Variants in C2CD5 observed in about 807,000 individuals in gnomAD.
C2CD5 encodes the protein C2 domain-containing protein 5.
C2CD5 carries 109 observed loss-of-function variants against 130.3 expected under a neutral mutation model. The ratio of observed to expected loss-of-function variants is 0.84; its 90% CI spans 0.72 to 0.98. C2CD5 has a LOEUF of 0.98. Among genes scored for constraint, C2CD5 ranks in the 50% least tolerant of loss-of-function variants. The pLI is 0.00. For synonymous variants in C2CD5, 454 were observed against 429.2 expected, an observed-to-expected ratio of 1.06 and a Z score of -0.71; for missense variants, 996 against 1,261.8, an observed-to-expected ratio of 0.79 and a Z score of 3.19.
chr12:22,484,467 T>A (rs1489199798), intron 13 of C2CD5: 2 of 380,540 alleles, frequency 5.3e-6, no homozygotes, highest in Non-Finnish European at 9.3e-6. Context: ...AAATGACAAA[T>A]ATTTGTGTAG....
chr12:22,456,659 T>A (rs1285308649), intron 25 of C2CD5, among the ~76,000 whole-genome samples: 1 of 152,158 alleles, frequency 6.6e-6, no homozygotes, highest in Admixed American at 6.6e-5. Context: ...CTGTCAAAAA[T>A]TGCTAAATTA....
chr12:22,530,460 ATTTTTTT>A (rs1006659124), intron 3 of C2CD5, among the ~76,000 whole-genome samples: 1 of 143,956 alleles, frequency 6.9e-6, no homozygotes, highest in Non-Finnish European at 1.5e-5. Context: ...AACTTACTAA[ATTTTTTT>A]TTTTTTTTAA....
chr12:22,513,254 AT>A (rs1349631785), intron 9 of C2CD5, 39 bp downstream of exon 9: 8 of 1,317,500 alleles, frequency 6.1e-6, no homozygotes, highest in Non-Finnish European at 8.8e-6. Flanking sequence ...ACAAAGTCAT[AT>A]TAACAGTGTA....
intron 24 of C2CD5, among the ~76,000 whole-genome samples, chr12:22,457,971 G>A (rs1035375696): frequency 5.9e-5 from 9 of 151,848 alleles, no homozygotes; most frequent in African/African-American, 1.5e-4. Flanking sequence ...TTTAATGTAC[G>A]GTAAGCTCTT....
Position 22,482,654 on chromosome 12 carries a change from G to GT in C2CD5, c.1639dup (p.Thr547AsnfsTer6). On this transcript the variant is annotated frameshift_variant, in exon 14 of 27. Coordinates refer to ENST00000446597, the MANE Select transcript of C2CD5 (RefSeq NM_001286176.2). LOFTEE classifies it high-confidence loss of function. ...GAGTTTTAGTTTATTCATTAGCTGA[G>GT]TATGCACTTCATATTCCATAAATGG... The GT allele has an allele frequency of 6.2e-7, 1 of 1,611,564 alleles. No homozygotes were observed. Among genetic ancestry groups the GT allele is most frequent in the African/African-American group, 1.3e-5 (1 of 74,972 alleles).
intron 3 of C2CD5, among the ~76,000 whole-genome samples, chr12:22,529,428 T>C (rs1447101185): frequency 2.6e-5 from 4 of 152,170 alleles, no homozygotes; most frequent in Non-Finnish European, 4.4e-5. Flanking sequence ...CTCTGAGTAT[T>C]ATTTTTTCTC....
intron 11 of C2CD5, among the ~76,000 whole-genome samples, chr12:22,492,977 A>C (rs1438853410): frequency 6.6e-6 from 1 of 152,162 alleles, no homozygotes; most frequent in East Asian, 1.9e-4. Flanking sequence ...TAAATGATTA[A>C]TTGATCTGTG....
chr12:22,528,294 G>T (rs1950910189), intron 3 of C2CD5, among the ~76,000 whole-genome samples: 1 of 152,120 alleles, frequency 6.6e-6, no homozygotes, highest in African/African-American at 2.4e-5. Flanking sequence ...CAATTTCTAA[G>T]GGCGATTTCA....
chr12:22,518,630 C>T (rs1949987626), intron 7 of C2CD5, among the ~76,000 whole-genome samples: 1 of 152,158 alleles, frequency 6.6e-6, no homozygotes, highest in Non-Finnish European at 1.5e-5. Context: ...TACAGCTACA[C>T]AGAAACATTG....
intron 2 of C2CD5, among the ~76,000 whole-genome samples, chr12:22,543,113 A>G (rs1952559835): frequency 6.6e-6 from 1 of 152,246 alleles, no homozygotes; most frequent in African/African-American, 2.4e-5. Flanking sequence ...AGGAAACATC[A>G]GGAATATTGA....
intron 7 of C2CD5, among the ~76,000 whole-genome samples, chr12:22,521,322 C>T (rs980290840): frequency 1.3e-5 from 2 of 152,126 alleles, no homozygotes; most frequent in Non-Finnish European, 2.9e-5. Flanking sequence ...AAGGAACTTA[C>T]GTCCATCATG....
At chr12:22,533,631 T>C (rs1362107419) in intron 3 of C2CD5, among the ~76,000 whole-genome samples, 2 of 151,990 alleles carry the variant, frequency 1.3e-5, no homozygotes, top group African/African-American at 4.8e-5. Context: ...GAGGAGAACA[T>C]GAGTGATAGG....
chr12:22,502,928 A>G (rs1481663585), intron 10 of C2CD5: 9 of 602,962 alleles, frequency 1.5e-5, no homozygotes, highest in African/African-American at 3.7e-5. Context: ...AAAGACATAG[A>G]CAGCAGAGTT....
intron 10 of C2CD5, among the ~76,000 whole-genome samples, chr12:22,502,475 A>G (rs1482364124): frequency 6.6e-6 from 1 of 152,164 alleles, no homozygotes; most frequent in African/African-American, 2.4e-5. Context: ...ATAATTTTAA[A>G]TGATCATTCT....
chr12:22,539,970 C>A (rs1309624432), intron 2 of C2CD5, among the ~76,000 whole-genome samples: 5 of 118,968 alleles, frequency 4.2e-5, no homozygotes, highest in Admixed American at 2.2e-4. Context: ...CCAACCTGGG[C>A]AACAAGAGCG....
At chr12:22,527,087 A>G (rs1447201088) in intron 4 of C2CD5, among the ~76,000 whole-genome samples, 1 of 152,150 alleles carries the variant, frequency 6.6e-6, no homozygotes, top group Non-Finnish European at 1.5e-5. Flanking sequence ...AGGCAACAAA[A>G]AACTTTTAAG....
chr12:22,513,187 T>G, intron 9 of C2CD5, 107 bp downstream of exon 9: 1 of 757,990 alleles, frequency 1.3e-6, no homozygotes, highest in Non-Finnish European at 2.2e-6. Context: ...TGCAATATTA[T>G]AGATATGTAA....
intron 3 of C2CD5, 88 bp downstream of exon 3, chr12:22,535,170 G>A (rs769016511): frequency 2.7e-6 from 2 of 743,016 alleles, no homozygotes; most frequent in Non-Finnish European, 4.8e-6. Context: ...ATACTACTAT[G>A]CCTGAAATAA....
intron 13 of C2CD5, 135 bp from the exon 14 acceptor site, chr12:22,482,878 A>G (rs1944926659): frequency 1.5e-6 from 1 of 655,386 alleles, no homozygotes; most frequent in Admixed American, 2.9e-5. Context: ...TATATCAATA[A>G]TCTGTTCTGC....
Sources: gnomAD v4.1 joint callset for allele counts (sites outside exome capture counted in the v4.1 genomes callset) on GRCh38, gnomAD v4.1.1 for gene constraint, MANE v1.5 for transcripts, NCBI Gene and HGNC (gene_info 2026-07-23, HGNC 2026-07-21) for gene names.